The following CACNA1C variants were observed in gnomAD, a reference collection of about 807,000 sequenced individuals.
The protein encoded by CACNA1C is voltage-dependent L-type calcium channel subunit alpha-1C.
CACNA1C carries 30 observed loss-of-function variants against 229.0 expected under a neutral mutation model. The observed-to-expected ratio is 0.13, with a 90% CI of 0.10 to 0.18. CACNA1C has a LOEUF of 0.18. Ranked by LOEUF, CACNA1C falls within the 10% of genes least tolerant of loss-of-function variation. CACNA1C has a pLI of 1.00. For missense variants in CACNA1C, 1,658 were observed against 2,845.0 expected, an observed-to-expected ratio of 0.58 and a Z score of 9.49; for synonymous variants, 1,114 against 1,132.5, an observed-to-expected ratio of 0.98 and a Z score of 0.33.
chr12:2,076,607 T>TG (rs1162565505), intron 1 of CACNA1C, among the ~76,000 whole-genome samples: 1 of 151,992 alleles, frequency 6.6e-6, no homozygotes, highest in Admixed American at 6.6e-5. Flanking sequence ...TTCCAAGGGA[T>TG]GTGAAAAGGC....
At chr12:2,328,843 T>G (rs868203480) in intron 3 of CACNA1C, among the ~76,000 whole-genome samples, 1 of 152,190 alleles carries the variant, frequency 6.6e-6, no homozygotes, top group Non-Finnish European at 1.5e-5. Flanking sequence ...ACATTCACTT[T>G]GACAGTGTGG....
intron 3 of CACNA1C, among the ~76,000 whole-genome samples, chr12:2,253,692 G>A (rs2076400312): frequency 6.6e-6 from 1 of 152,184 alleles, no homozygotes; most frequent in Non-Finnish European, 1.5e-5. Context: ...CACACACGTA[G>A]GTAGTCAGTA....
chr12:2,449,072 C>T lies in CACNA1C; in HGVS notation c.574C>T (p.Arg192Cys), dbSNP rs756042537. 2.5e-6 allele frequency: 4 copies of T among 1,584,430 alleles called. No homozygotes were observed. The highest frequency in any genetic ancestry group is 1.1e-5 in the South Asian group (1 of 87,040). ...GLLFHPNAYL[R>C]NGWNLLDFII... ...CCTCTTTCACCCCAATGCCTACCTC[C>T]GCAACGGCTGGAACCTACTAGATTT... The change falls in exon 4 of 47, where the codon CGC (arginine) becomes TGC (cysteine). Residue 192 changes from arginine to cysteine, a missense_variant. Coordinates refer to ENST00000399655, the MANE Select transcript of CACNA1C (RefSeq NM_000719.7).
chr12:2,357,252 G>C (rs566105986), intron 3 of CACNA1C, among the ~76,000 whole-genome samples: 20 of 152,284 alleles, frequency 1.3e-4, no homozygotes, highest in Admixed American at 3.9e-4. Context: ...AATTACAAGA[G>C]AATCACCTTG....
intron 3 of CACNA1C, among the ~76,000 whole-genome samples, chr12:2,408,112 C>G (rs893804286): frequency 6.6e-6 from 1 of 152,300 alleles, no homozygotes; most frequent in South Asian, 2.1e-4. Flanking sequence ...ACCTTGAAAA[C>G]ATTATGCTAA....
chr12:2,683,020 G>C (rs1281080744), intron 43 of CACNA1C, among the ~76,000 whole-genome samples: 6 of 151,798 alleles, frequency 4.0e-5, no homozygotes, highest in Admixed American at 3.3e-4. Flanking sequence ...ATTTTCTGGT[G>C]AGACTCAGTA....
At chr12:2,532,501 C>A (rs1450062245) in intron 9 of CACNA1C, among the ~76,000 whole-genome samples, 1 of 152,222 alleles carries the variant, frequency 6.6e-6, no homozygotes, top group Non-Finnish European at 1.5e-5. Flanking sequence ...CCAACTTCAC[C>A]ATCCAGGTAG....
chr12:2,289,684 G>A lies in CACNA1C; in HGVS notation c.478-159292G>A, dbSNP rs1013045385. Reference sequence around the variant, plus strand: ...CCACTGGAGAACATGGATTAAACCAGGCGTTACGTGATCAGTGTATCAGTG... The same window carrying A: ...CCACTGGAGAACATGGATTAAACCAAGCGTTACGTGATCAGTGTATCAGTG... On this transcript the variant is annotated intron_variant, in intron 3 of 46. Coordinates refer to ENST00000399655, the MANE Select transcript of CACNA1C (RefSeq NM_000719.7). Among the ~76,000 whole-genome samples, 7 of 151,878 alleles carry A rather than the reference G, an allele frequency of 4.6e-5. 1 individual carries two copies. Among genetic ancestry groups the A allele is most frequent in the Admixed American group, 4.6e-4 (7 of 15,234 alleles).
At chr12:1,976,864 G>A (rs1347390442) in intron 1 of CACNA1C, among the ~76,000 whole-genome samples, 1 of 150,882 alleles carries the variant, frequency 6.6e-6, no homozygotes, top group Non-Finnish European at 1.5e-5. Flanking sequence ...GGGAGGGAGG[G>A]GGAGGAAGGA....
chr12:2,094,878 A>G (rs2073145040), intron 1 of CACNA1C, among the ~76,000 whole-genome samples: 1 of 152,166 alleles, frequency 6.6e-6, no homozygotes, highest in Non-Finnish European at 1.5e-5. Context: ...CCTCTCCTTC[A>G]TTGCTGCAGG....
rs73045446 is a variant in CACNA1C, at chr12:1,999,999, G to A, written c.139+28798G>A. On this transcript the variant is annotated intron_variant, in intron 1 of 46. Coordinates refer to the CACNA1C transcript ENST00000682462. ...AAACAAACATGGTTAATTCCTATCT[G>A]CTGACAAATGTATATCCTGAGTGTA... 9.0e-3 allele frequency among the ~76,000 whole-genome samples: 1,374 copies of A among 152,130 alleles called. 14 individuals are homozygous for A. Among genetic ancestry groups the A allele is most frequent in the Non-Finnish European group, 0.013 (911 of 68,004 alleles).
chr12:2,087,210 C>T (rs185678897), intron 1 of CACNA1C, among the ~76,000 whole-genome samples: 1 of 152,320 alleles, frequency 6.6e-6, no homozygotes, highest in East Asian at 1.9e-4. Flanking sequence ...CACTTGCTCA[C>T]GTGTCTGGGA....
At chr12:2,280,176 ATACTT>A (rs1253288851) in intron 3 of CACNA1C, among the ~76,000 whole-genome samples, 1 of 148,214 alleles carries the variant, frequency 6.7e-6, no homozygotes, top group African/African-American at 2.6e-5. Flanking sequence ...TAACCTCTTG[ATACTT>A]TGCTGTGCTT....
chr12:2,571,003 A>G (rs113320131), intron 13 of CACNA1C, among the ~76,000 whole-genome samples: 82 of 152,344 alleles, frequency 5.4e-4, no homozygotes, highest in African/African-American at 1.8e-3. Flanking sequence ...TATATCAGCA[A>G]TGATTACCAT....
intron 30 of CACNA1C, among the ~76,000 whole-genome samples, chr12:2,640,286 A>T (rs2093505396): frequency 6.6e-6 from 1 of 152,222 alleles, no homozygotes; most frequent in South Asian, 2.1e-4. Flanking sequence ...CCGCTGGCTA[A>T]ATCCCTGGGC....
Position 2,650,108 on chromosome 12 carries a change from G to A in CACNA1C, c.3946-1532G>A, listed in dbSNP as rs559066912. ...CTTGAGGGGAACGGGAGCCTTAGGA[G>A]GAACTGAGGCAGCTCTAATTTTGAA... On this transcript the variant is annotated intron_variant, in intron 31 of 46. Coordinates refer to ENST00000399655, the MANE Select transcript of CACNA1C (RefSeq NM_000719.7). Among the ~76,000 whole-genome samples, 6 of 152,248 alleles carry A rather than the reference G, an allele frequency of 3.9e-5. No homozygotes were observed. In the East Asian group the frequency reaches 7.8e-4, roughly 20 times the overall value.
At chr12:2,069,995 G>C (rs1222695381) in intron 1 of CACNA1C, among the ~76,000 whole-genome samples, 9 of 152,094 alleles carry the variant, frequency 5.9e-5, no homozygotes, top group Non-Finnish European at 1.2e-4. Context: ...TGTAGAGGCA[G>C]GGTCTCACTG....
At chr12:2,336,769 C>A (rs1021027869) in intron 3 of CACNA1C, among the ~76,000 whole-genome samples, 1 of 152,062 alleles carries the variant, frequency 6.6e-6, no homozygotes, top group Non-Finnish European at 1.5e-5. Flanking sequence ...GGCATCTGGG[C>A]GGAGGTTTCT....
intron 1 of CACNA1C, among the ~76,000 whole-genome samples, chr12:2,056,679 G>C (rs886809345): frequency 5.3e-5 from 8 of 152,180 alleles, no homozygotes; most frequent in Non-Finnish European, 1.2e-4. Context: ...ATCAGCTTGA[G>C]CAGGTTAAAG....
Sources: allele counts gnomAD v4.1 joint callset (sites outside exome capture counted in the v4.1 genomes callset), GRCh38; gene constraint gnomAD v4.1.1; transcripts MANE v1.5; gene names NCBI Gene and HGNC (gene_info 2026-07-23, HGNC 2026-07-21).